The following ARAP3 variants were observed in gnomAD, a reference collection of about 807,000 sequenced individuals.
ARAP3 encodes the protein arf-GAP with Rho-GAP domain, ANK repeat and PH domain-containing protein 3.
A neutral mutation model predicts 169.2 loss-of-function variants in ARAP3; 82 were observed. That is an observed-to-expected ratio of 0.48 (90% CI 0.41 to 0.58). The LOEUF (loss-of-function observed/expected upper bound fraction) is 0.58. ARAP3 is among the 20% of genes least tolerant of loss of function. The pLI is 0.00. For missense variants in ARAP3, 1,764 were observed against 2,018.0 expected (o/e 0.87, Z 2.41); for synonymous variants, 791 against 800.3 (o/e 0.99, Z 0.20).
chr5:141,670,986 A>G (rs921121299), intron 13 of ARAP3, among the ~76,000 whole-genome samples: 1 of 152,174 alleles, frequency 6.6e-6, no homozygotes, highest in Non-Finnish European at 1.5e-5. Flanking sequence ...CTTCTTTGAG[A>G]GATCACACTG....
intron 21 of ARAP3, among the ~76,000 whole-genome samples, chr5:141,661,090 A>T (rs1165112234): frequency 2.9e-5 from 4 of 137,736 alleles, no homozygotes; most frequent in Non-Finnish European, 3.1e-5. Flanking sequence ...TTGAGACAAG[A>T]TCTCCCTCTG....
intron 19 of ARAP3, among the ~76,000 whole-genome samples, chr5:141,663,635 C>T (rs2099910265): frequency 6.6e-6 from 1 of 152,206 alleles, no homozygotes. Flanking sequence ...TGACTTATTT[C>T]CTCCTTCGAA....
chr5:141,674,021 T>C (rs1328020043), intron 4 of ARAP3, among the ~76,000 whole-genome samples: 1 of 136,624 alleles, frequency 7.3e-6, no homozygotes, highest in African/African-American at 2.7e-5. Flanking sequence ...TGGAGTGCAA[T>C]AGCGCAATCT....
At chr5:141,661,042 CT>C (rs1239591220) in intron 21 of ARAP3, among the ~76,000 whole-genome samples, 14 of 148,252 alleles carry the variant, frequency 9.4e-5, no homozygotes, top group East Asian at 3.9e-4. Flanking sequence ...TCTTTTTGTT[CT>C]TTTTTTTTCC....
At chr5:141,655,421 GA>G (rs772397508) in intron 31 of ARAP3, 21 bp from the exon 32 acceptor site, 1 of 1,586,856 alleles carries the variant, frequency 6.3e-7, no homozygotes, top group South Asian at 1.1e-5. Context: ...GTGGGGTGGG[GA>G]CAAGGGGAAG....
In ARAP3 at chr5:141,654,145, G is replaced by A. The variant is rs753639652; in HGVS notation, c.4440C>T (p.Ser1480=). The A allele has an allele frequency of 1.9e-6, 3 of 1,613,250 alleles. No homozygotes were observed. Among genetic ancestry groups the A allele is most frequent in the African/African-American group, 2.7e-5 (2 of 74,864 alleles). ...PSKSSPQARG[S]LEEQLLQELS... ...GCTCCTGGAGCAGCTGTTCCTCTAG[G>A]GACCCCCGTGCCTGGGGACTGCTCT... The change falls in exon 33 of 33, where the codon TCC becomes TCT. Residue 1480 remains serine (S), a synonymous_variant. Transcript: ENST00000239440.
chr5:141,666,777 G>T lies in ARAP3; in HGVS notation c.2353-134C>A, dbSNP rs543061827. ...GAGAAAGCAGAAGAAAAGCAGGAAT[G>T]AAAAGGGATGCGAGAGAGCAGAGGA... On this transcript the variant is annotated intron_variant, in intron 16 of 32. Coordinates refer to ENST00000239440, the MANE Select transcript of ARAP3 (RefSeq NM_022481.6). 329 of 453,810 alleles carry T rather than the reference G, an allele frequency of 7.2e-4. 1 individual carries two copies. Among genetic ancestry groups the T allele is most frequent in the Middle Eastern group, 5.7e-3 (10 of 1,746 alleles). The allele number at this position is 453,810 out of a possible 1,614,324, so 28.1% of individuals were successfully genotyped here. A position where few individuals can be genotyped will look rare whatever the true frequency, so the allele number is the denominator to read the frequency against.
rs977627668 is a variant in ARAP3, at chr5:141,671,821, C to T, written c.1672-69G>A. 9.3e-6 allele frequency: 15 copies of T among 1,610,392 alleles called. No homozygotes were observed. The East Asian group carries it at 2.9e-4, about 31-fold the overall frequency. On this transcript the variant is annotated intron_variant, in intron 11 of 32. Coordinates refer to ENST00000239440, the MANE Select transcript of ARAP3 (RefSeq NM_022481.6). The surrounding 1 kb of genome is among the most constrained non-coding windows in gnomAD (Gnocchi z 4.9). ...AGTCCTCAGATGTTCCATTCCTGTC[C>T]CCAGGCTGGCCCAAGGCCTGCTTCT...
At position 141,669,671 on chromosome 5, in the gene ARAP3, A is replaced by C; in HGVS notation, c.2352+38T>G. ...AGATGGGAGCACGTGGGGACAAGGA[A>C]AGCATGAGATGCTGCAGAGGGCGCT... On this transcript the variant is annotated intron_variant, in intron 16 of 32. Coordinates refer to ENST00000239440, the MANE Select transcript of ARAP3 (RefSeq NM_022481.6). 3 of 1,587,502 alleles carry C rather than the reference A, an allele frequency of 1.9e-6. 1 individual carries two copies. In the South Asian group the frequency reaches 3.3e-5, roughly 18 times the overall value.
chr5:141,658,638 C>T lies in ARAP3; in HGVS notation c.3352G>A (p.Asp1118Asn), dbSNP rs2099909532. The change falls in exon 24 of 33, where the codon GAC (aspartate) becomes AAC (asparagine). Residue 1118 changes from aspartate to asparagine, a missense_variant. By Grantham distance (23) the Asp-to-Asn change is conservative. Transcript: ENST00000239440. ...TCTATATAAACTTCCATGATGAGGT[C>T]TCCAGCCTGAGACAGCTGAGGGGAG... ...WKDVQLSQAG[D>N]LIMEVYIEQQ... The T allele has an allele frequency of 6.3e-7, 1 of 1,597,602 alleles. No individual in the cohort carries two copies. Among genetic ancestry groups the T allele is most frequent in the Non-Finnish European group, 8.5e-7 (1 of 1,175,776 alleles).
At position 141,672,684 on chromosome 5, in the gene ARAP3, A is replaced by G. The variant is rs2099911608; in HGVS notation, c.1279-26T>C. The G allele has an allele frequency of 1.2e-6, 2 of 1,613,736 alleles. No individual in the cohort carries two copies. The highest frequency in any genetic ancestry group is 1.7e-6 in the Non-Finnish European group (2 of 1,179,838). Reference sequence around the variant, plus strand: ...CTGGTGGGGTCAGGGGGTGGGCATCATGAGGTGCCAGAAGGGACTAGTTCA... The same window carrying G: ...CTGGTGGGGTCAGGGGGTGGGCATCGTGAGGTGCCAGAAGGGACTAGTTCA... On this transcript the variant is annotated intron_variant, in intron 8 of 32. Transcript: ENST00000239440. The surrounding 1 kb of genome is among the most constrained non-coding windows in gnomAD (Gnocchi z 4.9).
At position 141,672,391 on chromosome 5, in the gene ARAP3, A is replaced by T. The variant is rs2099911566; in HGVS notation, c.1386-90T>A. The T allele has an allele frequency of 6.4e-7, 1 of 1,554,882 alleles. No individual in the cohort carries two copies. The highest frequency in any genetic ancestry group is 1.8e-5 in the Admixed American group (1 of 56,538). ...TCCTGCAGGAGCCACCACAGGCCAC[A>T]CCTGGGGCAGCCCAGACCCTTCTGA... On this transcript the variant is annotated intron_variant, in intron 9 of 32. Transcript: ENST00000239440. This position sits in a 1 kb window ranked among gnomAD's most constrained non-coding sequence, Gnocchi z 4.9.
At chr5:141,665,753 G>A (rs112682987) in intron 17 of ARAP3, among the ~76,000 whole-genome samples, 5 of 152,176 alleles carry the variant, frequency 3.3e-5, no homozygotes, top group Admixed American at 6.5e-5. Flanking sequence ...TTTATAGACC[G>A]GGCGCAGTGG....
chr5:141,676,145 C>A (rs889649227), intron 4 of ARAP3, among the ~76,000 whole-genome samples: 3 of 152,122 alleles, frequency 2.0e-5, no homozygotes, highest in African/African-American at 7.2e-5. Flanking sequence ...GTCAAGAGGT[C>A]GAGACCATCC....
At chr5:141,680,553 C>T in intron 1 of ARAP3, 50 bp from the exon 2 acceptor site, 1 of 1,512,718 alleles carries the variant, frequency 6.6e-7, no homozygotes, top group Non-Finnish European at 8.8e-7. Context: ...GAATCCCCCT[C>T]TCTGCCCCAG....
In ARAP3 at chr5:141,656,813, T is replaced by C. The variant is rs1329243136; in HGVS notation, c.3560A>G (p.Glu1187Gly). 1 of 1,613,166 alleles carries C rather than the reference T, an allele frequency of 6.2e-7. No individual in the cohort carries two copies. Among genetic ancestry groups the C allele is most frequent in the Non-Finnish European group, 8.5e-7 (1 of 1,179,700 alleles). Residue 1187 changes from glutamate (E) to glycine (G), a missense_variant, in exon 26 of 33, where the codon GAG (glutamate) becomes GGG (glycine). This residue lies in a region of ARAP3 where 1,112 missense variants were observed against 1,285.7 expected (regional missense o/e 0.86). Coordinates refer to ENST00000239440, the MANE Select transcript of ARAP3 (RefSeq NM_022481.6). The part of the protein sequence containing the change: ...RPLHPKEKVL[E>G]QALQWCQLPE... ...GAGCTGGCACCATTGTAAAGCCTGCTCTAAGACCTTTTCCTTGGGATGCAG... is the reference window on the plus strand; with the variant it reads ...GAGCTGGCACCATTGTAAAGCCTGCCCTAAGACCTTTTCCTTGGGATGCAG...
intron 4 of ARAP3, 134 bp downstream of exon 4, chr5:141,679,411 G>T (rs2099912668): frequency 1.2e-6 from 1 of 816,450 alleles, no homozygotes; most frequent in Non-Finnish European, 2.0e-6. Flanking sequence ...GTGGCACTAG[G>T]TCTGTGATAC....
chr5:141,671,532 C>G lies in ARAP3; in HGVS notation c.1854+38G>C, dbSNP rs886514674. 6.2e-7 allele frequency: 1 copy of G among 1,611,412 alleles called. No homozygotes were observed. The highest frequency in any genetic ancestry group is 1.1e-5 in the South Asian group (1 of 90,898). On this transcript the variant is annotated intron_variant, in intron 12 of 32. Coordinates refer to ENST00000239440, the MANE Select transcript of ARAP3 (RefSeq NM_022481.6). This position sits in a 1 kb window ranked among gnomAD's most constrained non-coding sequence, Gnocchi z 4.9. ...CCAACTCCAGAGAGTGTTTCCTGAC[C>G]CCCCCACCCCAGATCACCCCTGCTC...
chr5:141,671,692 C>G lies in ARAP3; in HGVS notation c.1732G>C (p.Gly578Arg). Residue 578 changes from glycine (G) to arginine (R), a missense_variant, in exon 12 of 33, where the codon GGT becomes CGT. Around this residue, in one of 3 missense-constraint regions of ARAP3, gnomAD observed 1,112 missense variants for 1,285.7 expected, o/e 0.86. Coordinates refer to ENST00000239440, the MANE Select transcript of ARAP3 (RefSeq NM_022481.6). This position sits in a 1 kb window ranked among gnomAD's most constrained non-coding sequence, Gnocchi z 4.9. ...NRFWAGTLPP[G>R]EGLHPDATPG... ...GTCGCATCTGGATGTAGTCCCTCACCTGGGGGTAGGGTCCCTGCCCAGAAG... is the reference window on the plus strand; with the variant it reads ...GTCGCATCTGGATGTAGTCCCTCACGTGGGGGTAGGGTCCCTGCCCAGAAG... The G allele has an allele frequency of 6.2e-7, 1 of 1,612,866 alleles. No homozygotes were observed. Among genetic ancestry groups the G allele is most frequent in the South Asian group, 1.1e-5 (1 of 90,872 alleles).
Sources: gnomAD v4.1 joint callset for allele counts (sites outside exome capture counted in the v4.1 genomes callset) on GRCh38, gnomAD v4.1.1 for gene constraint, gnomAD v4.1.1 regional missense constraint, Gnocchi (gnomAD v3.1) non-coding constraint, MANE v1.5 for transcripts, NCBI Gene and HGNC (gene_info 2026-07-23, HGNC 2026-07-21) for gene names.